TIAM1: variants seen among roughly 807,000 people sequenced by gnomAD.
TIAM1 encodes the protein rho guanine nucleotide exchange factor TIAM1.
Under a neutral mutation model 163.5 loss-of-function variants are expected in TIAM1, and 65 were observed. The ratio of observed to expected loss-of-function variants is 0.40; its 90% confidence interval spans 0.33 to 0.49. TIAM1 has a LOEUF of 0.49. TIAM1 is among the 20% of genes least tolerant of loss of function. The probability of loss-of-function intolerance (pLI) is 0.77; values close to 1 mark genes in which losing one functional copy is unlikely to be tolerated. For missense variants in TIAM1, 1,789 were observed against 2,044.7 expected (o/e 0.87, Z 2.41); for synonymous variants, 833 against 810.1 (o/e 1.03, Z -0.48).
At chr21:31,501,905 T>C (rs185490215) in intron 1 of TIAM1, among the ~76,000 whole-genome samples, 26 of 152,180 alleles carry the variant, frequency 1.7e-4, no homozygotes, top group Admixed American at 1.4e-3. Flanking sequence ...CCCAGCCTTG[T>C]AAAGTGGTTT....
chr21:31,355,829 G>A (rs2147125264), intron 2 of TIAM1, among the ~76,000 whole-genome samples: 1 of 46 alleles, frequency 0.022, no homozygotes, highest in South Asian at 0.5. Context: ...TGGGATTCAG[G>A]CGTGAGCACT....
chr21:31,300,668 T>C (rs1415693003), intron 2 of TIAM1, among the ~76,000 whole-genome samples: 1 of 152,220 alleles, frequency 6.6e-6, no homozygotes, highest in Non-Finnish European at 1.5e-5. Flanking sequence ...TTATTGTTGC[T>C]AAAGATTAAA....
chr21:31,222,220 A>G, intron 8 of TIAM1, among the ~76,000 whole-genome samples: 1 of 152,230 alleles, frequency 6.6e-6, no homozygotes, highest in East Asian at 1.9e-4. Flanking sequence ...AGAGAAGAAC[A>G]GCACAGCTAA....
chr21:31,232,138 A>G (rs1215140434), intron 6 of TIAM1, among the ~76,000 whole-genome samples: 1 of 152,110 alleles, frequency 6.6e-6, no homozygotes, highest in Non-Finnish European at 1.5e-5. Flanking sequence ...GTGTACCTCA[A>G]TTTAAAAGAA....
chr21:31,544,702 A>T (rs2048432178), intron 1 of TIAM1, among the ~76,000 whole-genome samples: 1 of 151,902 alleles, frequency 6.6e-6, no homozygotes. Flanking sequence ...GTTGAACTGT[A>T]GCCCTCAAAA....
chr21:31,558,058 G>C (rs370746248), intron 1 of TIAM1, among the ~76,000 whole-genome samples: 3 of 152,294 alleles, frequency 2.0e-5, no homozygotes, highest in African/African-American at 7.2e-5. Flanking sequence ...TCCAGGTTTC[G>C]AGGGGGCAAG....
chr21:31,414,641 T>C (rs1467436915), intron 2 of TIAM1, among the ~76,000 whole-genome samples: 3 of 152,066 alleles, frequency 2.0e-5, no homozygotes, highest in Non-Finnish European at 4.4e-5. Flanking sequence ...CGTCAGGAAG[T>C]GACATCAACC....
chr21:31,521,506 C>T (rs1166592534), intron 1 of TIAM1, among the ~76,000 whole-genome samples: 4 of 151,986 alleles, frequency 2.6e-5, no homozygotes, highest in Admixed American at 1.3e-4. Flanking sequence ...TAGGTGGAGG[C>T]GGGAGGATCA....
At chr21:31,351,543 A>C (rs2076234305) in intron 2 of TIAM1, among the ~76,000 whole-genome samples, 1 of 152,198 alleles carries the variant, frequency 6.6e-6, no homozygotes, top group African/African-American at 2.4e-5. Flanking sequence ...GCTCCAGACA[A>C]GCAAGCAAGG....
At chr21:31,392,570 CAAAAAAAAAAAA>C (rs61454127) in intron 2 of TIAM1, among the ~76,000 whole-genome samples, 1 of 84,886 alleles carries the variant, frequency 1.2e-5, no homozygotes, top group Admixed American at 1.2e-4. Context: ...AACTCTGTCT[CAAAAAAAAAAAA>C]AAAAAAAAAA....
intron 2 of TIAM1, among the ~76,000 whole-genome samples, chr21:31,330,720 T>C (rs1056226728): frequency 1.3e-5 from 2 of 152,182 alleles, no homozygotes; most frequent in African/African-American, 4.8e-5. Context: ...ATGTTTTTAA[T>C]AGCAGTTTGG....
intron 2 of TIAM1, among the ~76,000 whole-genome samples, chr21:31,372,542 C>A (rs2076612892): frequency 6.6e-6 from 1 of 152,012 alleles, no homozygotes; most frequent in African/African-American, 2.4e-5. Context: ...CAAGAGAGGG[C>A]CAAAGTTGAA....
Position 31,525,395 on chromosome 21 carries a change from C to T in TIAM1, c.-422+33532G>A, listed in dbSNP as rs569898997. 1.2e-4 allele frequency among the ~76,000 whole-genome samples: 18 copies of T among 151,372 alleles called. No individual in the cohort carries two copies. The East Asian group carries it at 1.8e-3, about 15-fold the overall frequency. ...AAAAAAAAAAAAAAATCAGATCTGACGGGAACTCATAGAGCGAGAACTCGC... is the reference window on the plus strand; with the variant it reads ...AAAAAAAAAAAAAAATCAGATCTGATGGGAACTCATAGAGCGAGAACTCGC... On this transcript the variant is annotated intron_variant, in intron 1 of 28. Transcript: ENST00000286827.
At chr21:31,477,077 T>C (rs1387661933) in intron 1 of TIAM1, among the ~76,000 whole-genome samples, 2 of 152,226 alleles carry the variant, frequency 1.3e-5, no homozygotes, top group African/African-American at 4.8e-5. Flanking sequence ...TGTAGACATG[T>C]ATTTCCTGCG....
At chr21:31,520,653 G>A (rs1036344797) in intron 1 of TIAM1, among the ~76,000 whole-genome samples, 2 of 152,176 alleles carry the variant, frequency 1.3e-5, no homozygotes, top group South Asian at 2.1e-4. Context: ...ATCGCAAAGC[G>A]AAAATCCAAT....
At chr21:31,423,086 CTATCT>C (rs1225897108) in intron 2 of TIAM1, among the ~76,000 whole-genome samples, 1 of 139,406 alleles carries the variant, frequency 7.2e-6, no homozygotes, top group African/African-American at 2.6e-5. Context: ...GTGAACAGCA[CTATCT>C]TTTTTTTTTT....
At position 31,154,407 on chromosome 21, in the gene TIAM1, G is replaced by A. The variant is rs1321709546; in HGVS notation, c.3011C>T (p.Ala1004Val). 1 of 1,614,038 alleles carries A rather than the reference G, an allele frequency of 6.2e-7. No homozygotes were observed. The highest frequency in any genetic ancestry group is 8.5e-7 in the Non-Finnish European group (1 of 1,179,994). Reference protein sequence around the residue: ...HSSKSTEQVAAFCRSLHEMNP... With the variant: ...HSSKSTEQVAVFCRSLHEMNP... The stretch of plus-strand genomic sequence containing the variant: ...CATCTCATGCAAACTGCGGCAAAAT[G>A]CGGCCACCTGTTCTGTACTCTTCGG... The change falls in exon 17 of 28, where the codon GCA becomes GTA. Residue 1004 changes from alanine (A) to valine (V), a missense_variant. Physicochemically the swap from Ala to Val is moderately conservative, Grantham distance 64 (BLOSUM62 0). This residue lies in a region of TIAM1 where 303 missense variants were observed against 321.3 expected (regional missense o/e 0.94). Transcript: ENST00000541036.
chr21:31,198,193 G>A (rs1231778610), intron 12 of TIAM1, among the ~76,000 whole-genome samples: 5 of 152,196 alleles, frequency 3.3e-5, no homozygotes, highest in African/African-American at 9.6e-5. Context: ...CATTCGTCCA[G>A]AAACGATTTT....
At chr21:31,365,463 A>G (rs2076487379) in intron 2 of TIAM1, among the ~76,000 whole-genome samples, 1 of 141,002 alleles carries the variant, frequency 7.1e-6, no homozygotes, top group Admixed American at 7.9e-5. Flanking sequence ...ATCTCGGCTC[A>G]CTGCAAGCTC....
Sources: gnomAD v4.1 joint callset for allele counts (sites outside exome capture counted in the v4.1 genomes callset) on GRCh38, gnomAD v4.1.1 for gene constraint, gnomAD v4.1.1 regional missense constraint, MANE v1.5 for transcripts, NCBI Gene and HGNC (gene_info 2026-07-23, HGNC 2026-07-21) for gene names.